Variants in SEL1L observed in about 807,000 individuals in gnomAD.
SEL1L encodes the protein protein sel-1 homolog 1.
In SEL1L, 52 loss-of-function variants were observed where a neutral mutation model predicts 109.8. The observed-to-expected ratio is 0.47, with a 90% CI of 0.38 to 0.60. The LOEUF (loss-of-function observed/expected upper bound fraction) is 0.60, where lower values mean the gene tolerates loss of function less well. Among genes scored for constraint, SEL1L ranks in the 20% least tolerant of loss-of-function variants. The pLI, the probability that SEL1L is intolerant of heterozygous loss-of-function variation, is 0.00. For missense variants in SEL1L, 749 were observed against 962.2 expected (o/e 0.78, Z 2.93); for synonymous variants, 373 against 339.6 (o/e 1.10, Z -1.08).
chr14:81,482,626 G>C (rs1040274600), intron 19 of SEL1L, among the ~76,000 whole-genome samples: 1 of 152,182 alleles, frequency 6.6e-6, no homozygotes, highest in Non-Finnish European at 1.5e-5. Flanking sequence ...AAGTGGCAGA[G>C]ATCTTCCAGA....
Position 81,506,199 on chromosome 14 carries a change from T to A in SEL1L, c.383A>T (p.His128Leu). 2 of 1,613,360 alleles carry A rather than the reference T, an allele frequency of 1.2e-6. No individual in the cohort carries two copies. The highest frequency in any genetic ancestry group is 1.7e-6 in the Non-Finnish European group (2 of 1,179,684). The part of the protein sequence containing the change: ...IEGTAHGEPC[H>L]FPFLFLDKEY... ...CTTATCTAGGAAAAGAAAAGGGAAG[T>A]GGCAGGGCTCCCCATGTGCTGTGCC... The change falls in exon 4 of 21, where the codon CAC becomes CTC. Residue 128 changes from histidine (H) to leucine (L), a missense_variant. Physicochemically the swap from His to Leu is moderately conservative, Grantham distance 99. Coordinates refer to ENST00000336735, the MANE Select transcript of SEL1L (RefSeq NM_005065.6).
chr14:81,521,107 A>C (rs1367298282), intron 3 of SEL1L, among the ~76,000 whole-genome samples: 1 of 152,164 alleles, frequency 6.6e-6, no homozygotes, highest in Non-Finnish European at 1.5e-5. Context: ...CAATTTGTCA[A>C]TCTGATTTTT....
Position 81,531,851 on chromosome 14 carries a change from GAT to G in SEL1L, c.70+1822_70+1823del, listed in dbSNP as rs554092054. On this transcript the variant is annotated intron_variant, in intron 1 of 20. Coordinates refer to ENST00000336735, the MANE Select transcript of SEL1L (RefSeq NM_005065.6). ...AGCTGGGCCCGCACAGGTGTTTTAT[GAT>G]ATATGAACTTCATGTGAGCACAGCA... 5.0e-3 allele frequency among the ~76,000 whole-genome samples: 765 copies of G among 152,258 alleles called. 6 individuals are homozygous for G. Among genetic ancestry groups the G allele is most frequent in the African/African-American group, 0.018 (729 of 41,540 alleles).
chr14:81,479,880 G>T, intron 19 of SEL1L, 140 bp from the exon 20 acceptor site: 1 of 754,308 alleles, frequency 1.3e-6, no homozygotes, highest in Non-Finnish European at 2.0e-6. Flanking sequence ...AAAATGCCAA[G>T]CTTTACTTGG....
Position 81,498,099 on chromosome 14 carries a change from CAG to C in SEL1L, c.974-55_974-54del, listed in dbSNP as rs998507045. ...TGGAGGAAAATCAGAAGAATTGTTC[CAG>C]AGAGAGAGAAGTACAATTCCAGCTG... is the stretch of plus-strand genomic sequence containing the variant. On this transcript the variant is annotated intron_variant, in intron 9 of 20. Coordinates refer to ENST00000336735, the MANE Select transcript of SEL1L (RefSeq NM_005065.6). The C allele has an allele frequency of 5.6e-5, 87 of 1,546,404 alleles. No homozygotes were observed. In the Middle Eastern group the frequency reaches 1.2e-3, roughly 22 times the overall value.
rs1482591294 is a variant in SEL1L at position 81,484,368 on chromosome 14, C to G, written c.1903G>C (p.Asp635His). 1 of 1,613,906 alleles carries G rather than the reference C, an allele frequency of 6.2e-7. No homozygotes were observed. Among genetic ancestry groups the G allele is most frequent in the African/African-American group, 1.3e-5 (1 of 75,042 alleles). The part of the protein sequence containing the change: ...GYTVARIKLG[D>H]YHFYGFGTDV... The stretch of plus-strand genomic sequence containing the variant: ...GTGCCAAACCCATAGAAATGGTAGT[C>G]TCCGAGCTTAATTCTAGCCACAGTA... The change falls in exon 19 of 21, where the codon GAC becomes CAC. Residue 635 changes from aspartate (D) to histidine (H), a missense_variant. Transcript: ENST00000336735.
intron 13 of SEL1L, among the ~76,000 whole-genome samples, chr14:81,489,760 A>G (rs1223694483): frequency 6.6e-6 from 1 of 152,220 alleles, no homozygotes; most frequent in African/African-American, 2.4e-5. Context: ...TCAGGTGACA[A>G]AGATATACTT....
intron 3 of SEL1L, among the ~76,000 whole-genome samples, chr14:81,525,742 T>C (rs889521846): frequency 2.6e-5 from 4 of 152,174 alleles, no homozygotes; most frequent in Non-Finnish European, 5.9e-5. Context: ...ACAAATAAAA[T>C]TTTTTATAGC....
At chr14:81,527,778 T>A in intron 1 of SEL1L, 40 bp from the exon 2 acceptor site, 1 of 1,415,284 alleles carries the variant, frequency 7.1e-7, no homozygotes, top group Non-Finnish European at 9.9e-7. Context: ...ATCTTTCTTG[T>A]TGGGAAATTA....
intron 3 of SEL1L, among the ~76,000 whole-genome samples, chr14:81,515,633 G>C (rs1255476605): frequency 6.6e-6 from 1 of 152,182 alleles, no homozygotes; most frequent in African/African-American, 2.4e-5. Context: ...ATTCAATGAT[G>C]TCCACCATAA....
In SEL1L at chr14:81,476,898, C is replaced by T. The variant is rs548512795; in HGVS notation, c.*74G>A. 1.3e-4 allele frequency: 189 copies of T among 1,495,770 alleles called. No homozygotes were observed. The South Asian group carries it at 2.1e-3, about 17-fold the overall frequency. 92.7% of individuals were successfully genotyped at this position (1,495,770 alleles called of 1,614,324 possible). Reference sequence around the variant, plus strand: ...TGGGAGGTGACCACTGATCCAAGGTCCTAAATCAAATGCAAGTGTTCCCAG... The same window carrying T: ...TGGGAGGTGACCACTGATCCAAGGTTCTAAATCAAATGCAAGTGTTCCCAG... On this transcript the variant is annotated 3_prime_UTR_variant, in exon 21 of 21. Coordinates refer to ENST00000336735, the MANE Select transcript of SEL1L (RefSeq NM_005065.6).
intron 3 of SEL1L, among the ~76,000 whole-genome samples, chr14:81,519,571 T>C (rs1212800454): frequency 6.6e-6 from 1 of 152,206 alleles, no homozygotes; most frequent in Non-Finnish European, 1.5e-5. Flanking sequence ...AGAAGAAGTT[T>C]GGATTTTACT....
In SEL1L at chr14:81,516,070, T is replaced by C. The variant is rs1884688319; in HGVS notation, c.341-9829A>G. Among the ~76,000 whole-genome samples the C allele has an allele frequency of 2.0e-5, 3 of 152,160 alleles. No individual in the cohort carries two copies. The South Asian group carries it at 6.2e-4, about 32-fold the overall frequency. ...GAGAAACAAGCTGCCCCCTCGCCCA[T>C]GTCCACTATGCCGAGGCAATCACTG... On this transcript the variant is annotated intron_variant, in intron 3 of 20. Transcript: ENST00000336735.
In SEL1L at chr14:81,487,371, C is replaced by T. The variant is rs761733920; in HGVS notation, c.1632+19G>A. On this transcript the variant is annotated intron_variant, in intron 16 of 20. Transcript: ENST00000336735. ...GGCAAATCAACTCCCTACACACAAG[C>T]TGGTAGGAAAGACCTTACCTCCACT... The T allele has an allele frequency of 2.6e-5, 40 of 1,553,918 alleles. No homozygotes were observed. Among genetic ancestry groups the T allele is most frequent in the Non-Finnish European group, 3.2e-5 (37 of 1,159,744 alleles).
intron 4 of SEL1L, among the ~76,000 whole-genome samples, chr14:81,505,465 T>C (rs1030438907): frequency 6.6e-6 from 1 of 152,214 alleles, no homozygotes; most frequent in Non-Finnish European, 1.5e-5. Flanking sequence ...AGATGGACTA[T>C]ATTTGATGTG....
At chr14:81,494,924 C>CG (rs1210811314) in intron 11 of SEL1L, among the ~76,000 whole-genome samples, 157 bp downstream of exon 11, 1 of 152,176 alleles carries the variant, frequency 6.6e-6, no homozygotes, top group Non-Finnish European at 1.5e-5. Flanking sequence ...TTGTATTCTT[C>CG]AGCTTTCTTA....
rs892712635 is a variant in SEL1L at position 81,490,264 on chromosome 14, T to G, written c.1332+124A>C. 1.3e-4 allele frequency: 89 copies of G among 685,972 alleles called. 2 individuals carry two copies. The South Asian group carries it at 1.8e-3, about 14-fold the overall frequency. The allele number at this position is 685,972 out of a possible 1,614,324, so 42.5% of individuals were successfully genotyped here. On this transcript the variant is annotated intron_variant, in intron 13 of 20. Coordinates refer to ENST00000336735, the MANE Select transcript of SEL1L (RefSeq NM_005065.6). ...TTAATACATTCACATGAATCATACT[T>G]AATATGCAGTTTCAATAATGTATAG...
chr14:81,484,108 T>C (rs139977645), intron 19 of SEL1L, 117 bp downstream of exon 19: 7 of 1,067,610 alleles, frequency 6.6e-6, no homozygotes, highest in Non-Finnish European at 8.3e-6. Context: ...ATCAGTCCCA[T>C]AATTTAGTGG....
At chr14:81,530,581 C>T (rs1885283575) in intron 1 of SEL1L, among the ~76,000 whole-genome samples, 1 of 152,154 alleles carries the variant, frequency 6.6e-6, no homozygotes, top group Non-Finnish European at 1.5e-5. Context: ...AAGGTTAAGC[C>T]ATTTGCCTCT....
Sources: gnomAD v4.1 joint callset for allele counts (sites outside exome capture counted in the v4.1 genomes callset) on GRCh38, gnomAD v4.1.1 for gene constraint, MANE v1.5 for transcripts, NCBI Gene and HGNC (gene_info 2026-07-23, HGNC 2026-07-21) for gene names.